BMPR1B: variants seen among roughly 807,000 people sequenced by gnomAD.
The protein encoded by BMPR1B is bone morphogenetic protein receptor type-1B.
In BMPR1B, 12 loss-of-function variants were observed where a neutral mutation model predicts 59.1. The ratio of observed to expected loss-of-function variants is 0.20; its 90% confidence interval spans 0.13 to 0.33. BMPR1B has a LOEUF of 0.33. Among genes scored for constraint, BMPR1B ranks in the 10% least tolerant of loss-of-function variants. The probability of loss-of-function intolerance (pLI) is 1.00; values close to 1 mark genes in which losing one functional copy is unlikely to be tolerated. For synonymous variants in BMPR1B, 237 were observed against 207.3 expected, an observed-to-expected ratio of 1.14 and a Z score of -1.23; for missense variants, 550 against 610.9, an observed-to-expected ratio of 0.90 and a Z score of 1.05.
intron 2 of BMPR1B, among the ~76,000 whole-genome samples, chr4:94,886,037 C>A (rs1220399387): frequency 6.6e-6 from 1 of 152,014 alleles, no homozygotes; most frequent in Non-Finnish European, 1.5e-5. Flanking sequence ...CTTTTTAGTT[C>A]CAAGACAAAG....
intron 1 of BMPR1B, among the ~76,000 whole-genome samples, chr4:94,830,561 G>T (rs1053386183): frequency 6.6e-6 from 1 of 152,082 alleles, no homozygotes; most frequent in African/African-American, 2.4e-5. Context: ...TATTACTGGG[G>T]TTGCCTTTGG....
intron 3 of BMPR1B, among the ~76,000 whole-genome samples, chr4:95,035,245 G>T (rs796534771): frequency 3.9e-5 from 6 of 152,098 alleles, no homozygotes; most frequent in Admixed American, 6.6e-5. Context: ...TTACTCTACT[G>T]ATTATTTCTT....
intron 3 of BMPR1B, among the ~76,000 whole-genome samples, chr4:95,012,147 T>G (rs1723268868): frequency 6.6e-6 from 1 of 152,208 alleles, no homozygotes; most frequent in Non-Finnish European, 1.5e-5. Context: ...TATAGATAAG[T>G]AGGAAAAATG....
chr4:94,943,669 G>A (rs1180487946), intron 2 of BMPR1B, among the ~76,000 whole-genome samples: 5 of 152,128 alleles, frequency 3.3e-5, no homozygotes, highest in African/African-American at 1.2e-4. Context: ...GTAGGAAAGT[G>A]GAACTTTATA....
chr4:94,774,805 TTCTC>T (rs774945902), intron 1 of BMPR1B, among the ~76,000 whole-genome samples: 11 of 152,256 alleles, frequency 7.2e-5, no homozygotes, highest in Admixed American at 2.0e-4. Context: ...TGTCTTCTGT[TTCTC>T]TCTCTATCTT....
chr4:94,961,234 C>A (rs896309364), intron 2 of BMPR1B, among the ~76,000 whole-genome samples: 1 of 152,120 alleles, frequency 6.6e-6, no homozygotes, highest in Non-Finnish European at 1.5e-5. Flanking sequence ...CAAATCTAGC[C>A]CACCACCTAT....
intron 10 of BMPR1B, among the ~76,000 whole-genome samples, chr4:95,136,776 T>G (rs1733823484): frequency 6.6e-6 from 1 of 152,178 alleles, no homozygotes; most frequent in African/African-American, 2.4e-5. Context: ...ATTTTTTTAT[T>G]GCATCTATTT....
intron 3 of BMPR1B, among the ~76,000 whole-genome samples, chr4:95,027,593 C>G (rs1278665618): frequency 6.6e-6 from 1 of 152,170 alleles, no homozygotes; most frequent in South Asian, 2.1e-4. Context: ...CAATCATAAA[C>G]TTACTTGCTA....
intron 10 of BMPR1B, among the ~76,000 whole-genome samples, chr4:95,139,619 G>A (rs996760121): frequency 5.3e-5 from 8 of 152,178 alleles, no homozygotes; most frequent in Non-Finnish European, 1.0e-4. Flanking sequence ...AGTGGCGGAC[G>A]CCCCTCCCTC....
intron 3 of BMPR1B, among the ~76,000 whole-genome samples, chr4:95,054,974 A>T (rs1046397522): frequency 6.6e-5 from 10 of 152,212 alleles, no homozygotes; most frequent in South Asian, 4.1e-4. Context: ...CTAATAGGCT[A>T]TTAAAGCAAT....
chr4:94,953,223 G>A (rs1730015215), intron 2 of BMPR1B, among the ~76,000 whole-genome samples: 6 of 152,168 alleles, frequency 3.9e-5, no homozygotes, highest in Admixed American at 1.3e-4. Context: ...CAATTTGCCA[G>A]TGTGTGCCTT....
chr4:95,128,918 C>A (rs1261781168), intron 8 of BMPR1B, among the ~76,000 whole-genome samples: 2 of 152,068 alleles, frequency 1.3e-5, no homozygotes, highest in East Asian at 3.9e-4. Context: ...CTAAAGAATT[C>A]ATTCTCTATA....
chr4:94,768,731 A>G (rs1722065513), intron 1 of BMPR1B, among the ~76,000 whole-genome samples: 1 of 152,148 alleles, frequency 6.6e-6, no homozygotes, highest in Non-Finnish European at 1.5e-5. Context: ...TTTTAGTAAT[A>G]TTATAAACTA....
intron 1 of BMPR1B, among the ~76,000 whole-genome samples, chr4:94,778,648 T>C (rs1162491589): frequency 6.6e-6 from 1 of 152,182 alleles, no homozygotes; most frequent in Non-Finnish European, 1.5e-5. Flanking sequence ...AGCATGTGGA[T>C]AATTCCTATT....
At chr4:94,773,208 T>C (rs1467106084) in intron 1 of BMPR1B, among the ~76,000 whole-genome samples, 2 of 152,136 alleles carry the variant, frequency 1.3e-5, no homozygotes, top group African/African-American at 2.4e-5. Flanking sequence ...TCTGGACTGA[T>C]CACTTAAAAT....
intron 3 of BMPR1B, among the ~76,000 whole-genome samples, chr4:95,102,407 C>A (rs1730888397): frequency 6.6e-6 from 1 of 152,174 alleles, no homozygotes; most frequent in Non-Finnish European, 1.5e-5. Flanking sequence ...GCACCCAATA[C>A]ATATTTGGTA....
intron 3 of BMPR1B, among the ~76,000 whole-genome samples, chr4:95,018,287 G>C (rs1052427060): frequency 1.8e-4 from 28 of 152,146 alleles, no homozygotes; most frequent in Non-Finnish European, 4.0e-4. Flanking sequence ...AGAAGTTTTG[G>C]ATTGAGTTGG....
intron 1 of BMPR1B, among the ~76,000 whole-genome samples, chr4:94,865,079 G>A (rs973122364): frequency 5.3e-5 from 8 of 150,412 alleles, no homozygotes; most frequent in East Asian, 3.9e-4. Context: ...GTGTGATCTC[G>A]GCTCACTGCA....
chr4:95,099,001 C>T (rs916131043), intron 3 of BMPR1B, among the ~76,000 whole-genome samples: 21 of 152,178 alleles, frequency 1.4e-4, no homozygotes, highest in Admixed American at 1.1e-3. Flanking sequence ...CAGGCATTAG[C>T]CACCGCACCC....
Sources: gnomAD v4.1 joint callset for allele counts (sites outside exome capture counted in the v4.1 genomes callset) on GRCh38, gnomAD v4.1.1 for gene constraint, MANE v1.5 for transcripts, NCBI Gene and HGNC (gene_info 2026-07-23, HGNC 2026-07-21) for gene names.